Variants in TMEM132B observed in about 807,000 individuals in gnomAD.
TMEM132B encodes the protein transmembrane protein 132B.
TMEM132B carries 18 observed loss-of-function variants against 90.8 expected under a neutral mutation model. The observed-to-expected ratio is 0.20, with a 90% CI of 0.14 to 0.29. TMEM132B has a LOEUF of 0.29. Among genes scored for constraint, TMEM132B ranks in the 10% least tolerant of loss-of-function variants. The pLI, the probability that TMEM132B is intolerant of heterozygous loss-of-function variation, is 1.00. For missense variants in TMEM132B, 1,096 were observed against 1,326.8 expected (o/e 0.83, Z 2.70); for synonymous variants, 504 against 523.3 (o/e 0.96, Z 0.50).
chr12:125,216,360 A>C (rs1342412567), intron 1 of TMEM132B, among the ~76,000 whole-genome samples: 2 of 152,040 alleles, frequency 1.3e-5, no homozygotes, highest in Non-Finnish European at 2.9e-5. Flanking sequence ...TCAGGGTCCC[A>C]CCCTTATGAC....
intron 3 of TMEM132B, among the ~76,000 whole-genome samples, chr12:125,428,148 T>C (rs923171157): frequency 1.3e-5 from 2 of 152,060 alleles, no homozygotes; most frequent in African/African-American, 4.8e-5. Context: ...TGTACCATCA[T>C]ACCTGGCTAA....
intron 3 of TMEM132B, among the ~76,000 whole-genome samples, chr12:125,466,799 G>A (rs990075312): frequency 6.6e-6 from 1 of 152,224 alleles, no homozygotes; most frequent in African/African-American, 2.4e-5. Context: ...AGTTGTTTAT[G>A]CATTTCTGTG....
rs776603562 is a variant in TMEM132B, at chr12:125,653,610, A to G, written c.2152A>G (p.Thr718Ala). ...SWILFSDGSVTPLDIYDPKDY... is the reference protein window; with the variant it reads ...SWILFSDGSVAPLDIYDPKDY... Reference sequence around the variant, plus strand: ...GATTTTGTTCAGTGATGGTTCGGTGACACCTTTAGACATTTACGATCCTAA... The same window carrying G: ...GATTTTGTTCAGTGATGGTTCGGTGGCACCTTTAGACATTTACGATCCTAA... Residue 718 changes from threonine (T) to alanine (A), a missense_variant, in exon 9 of 9, where the codon ACA (threonine) becomes GCA (alanine). Coordinates refer to ENST00000682704, the MANE Select transcript of TMEM132B (RefSeq NM_001366854.1). The G allele has an allele frequency of 6.2e-7, 1 of 1,613,244 alleles. No individual in the cohort carries two copies. Among genetic ancestry groups the G allele is most frequent in the South Asian group, 1.1e-5 (1 of 91,050 alleles).
rs541711860 is a variant in TMEM132B, at chr12:125,492,439, C to T, written c.1107-27000C>T. ...CTGAGGGTAAGGGAAGGGGACTGCA[C>T]GGCTGCTTTGCAGGGGCCCCGACTG... is the stretch of plus-strand genomic sequence containing the variant. On this transcript the variant is annotated intron_variant, in intron 3 of 8. Coordinates refer to ENST00000682704, the MANE Select transcript of TMEM132B (RefSeq NM_001366854.1). The surrounding 1 kb of genome is among the most constrained non-coding windows in gnomAD (Gnocchi z 5.8). 3.3e-5 allele frequency among the ~76,000 whole-genome samples: 5 copies of T among 152,304 alleles called. No homozygotes were observed. Among genetic ancestry groups the T allele is most frequent in the African/African-American group, 9.6e-5 (4 of 41,568 alleles).
At chr12:125,203,395 AT>A (rs1873109779) in intron 1 of TMEM132B, among the ~76,000 whole-genome samples, 1 of 152,244 alleles carries the variant, frequency 6.6e-6, no homozygotes, top group African/African-American at 2.4e-5. Flanking sequence ...GAAAGTGTGA[AT>A]TTCACAGCTT....
At position 125,574,633 on chromosome 12, in the gene TMEM132B, C is replaced by T. The variant is rs115122619; in HGVS notation, c.1294-9218C>T. Among the ~76,000 whole-genome samples the T allele has an allele frequency of 4.6e-3, 700 of 152,178 alleles. 6 individuals carry two copies. The highest frequency in any genetic ancestry group is 0.016 in the African/African-American group (662 of 41,520). Reference sequence around the variant, plus strand: ...CTGTCAATATTTAGGGCTGCTCACTCGCTGATGTAAGAATCCTTCTCATGG... The same window carrying T: ...CTGTCAATATTTAGGGCTGCTCACTTGCTGATGTAAGAATCCTTCTCATGG... On this transcript the variant is annotated intron_variant, in intron 4 of 8. Coordinates refer to ENST00000682704, the MANE Select transcript of TMEM132B (RefSeq NM_001366854.1).
At chr12:125,454,761 T>C (rs190047309) in intron 3 of TMEM132B, among the ~76,000 whole-genome samples, 2 of 152,350 alleles carry the variant, frequency 1.3e-5, no homozygotes, top group East Asian at 3.9e-4. Context: ...CATTGGCTGT[T>C]TTTCTCTTTA....
Position 125,512,535 on chromosome 12 carries a change from GTCCT to G in TMEM132B, c.1107-6903_1107-6900del, listed in dbSNP as rs1883007663. Among the ~76,000 whole-genome samples, 3 of 152,190 alleles carry G rather than the reference GTCCT, an allele frequency of 2.0e-5. No individual in the cohort carries two copies. The South Asian group carries it at 6.2e-4, about 32-fold the overall frequency. On this transcript the variant is annotated intron_variant, in intron 3 of 8. Transcript: ENST00000682704. ...TCTTAGAGTATGCCCAGTTGGCACA[GTCCT>G]AGATTTTTTTTAAAGTTCTGTGTAG... is the stretch of plus-strand genomic sequence containing the variant.
chr12:125,519,644 T>C lies in TMEM132B; in HGVS notation c.1293+19T>C. ...TGCCATGGTGAGGAATCTGGGGGTT[T>C]CAGAGGAAGTGTCACAAAGAAGTTT... On this transcript the variant is annotated intron_variant, in intron 4 of 8. Transcript: ENST00000682704. 1 of 1,612,390 alleles carries C rather than the reference T, an allele frequency of 6.2e-7. No homozygotes were observed.
intron 1 of TMEM132B, among the ~76,000 whole-genome samples, chr12:125,295,556 C>CA (rs1296429151): frequency 7.9e-6 from 1 of 127,052 alleles, no homozygotes; most frequent in Non-Finnish European, 1.7e-5. Flanking sequence ...GAGACAGAGA[C>CA]AGAGACAGAG....
intron 1 of TMEM132B, among the ~76,000 whole-genome samples, chr12:125,218,688 G>A (rs1436408355): frequency 6.6e-6 from 1 of 151,740 alleles, no homozygotes; most frequent in Admixed American, 6.6e-5. Context: ...TGAACTTGAG[G>A]CTGATAAATT....
intron 2 of TMEM132B, among the ~76,000 whole-genome samples, chr12:125,396,008 G>C (rs189530931): frequency 3.3e-5 from 5 of 152,142 alleles, no homozygotes; most frequent in Non-Finnish European, 7.4e-5. Flanking sequence ...GGGTCAAATG[G>C]TTCCTCCTTG....
chr12:125,485,912 C>T (rs1393268507), intron 3 of TMEM132B, among the ~76,000 whole-genome samples: 7 of 152,100 alleles, frequency 4.6e-5, no homozygotes, highest in Non-Finnish European at 1.0e-4. Flanking sequence ...TCTTTTTATT[C>T]CTATTAGCTG....
chr12:125,440,973 T>C (rs979048587), intron 3 of TMEM132B, among the ~76,000 whole-genome samples: 2 of 152,224 alleles, frequency 1.3e-5, no homozygotes, highest in African/African-American at 4.8e-5. Context: ...TGGGTATTAG[T>C]TGGCGTTTAT....
intron 2 of TMEM132B, among the ~76,000 whole-genome samples, chr12:125,387,389 T>A (rs1231582887): frequency 6.6e-6 from 1 of 152,220 alleles, no homozygotes; most frequent in Non-Finnish European, 1.5e-5. Flanking sequence ...GGGTCTCTTA[T>A]CTGTGTGCAG....
At chr12:125,208,530 A>G (rs899003498) in intron 1 of TMEM132B, among the ~76,000 whole-genome samples, 1 of 152,052 alleles carries the variant, frequency 6.6e-6, no homozygotes, top group Non-Finnish European at 1.5e-5. Flanking sequence ...CTTCATATAC[A>G]TGGTATCACA....
intron 2 of TMEM132B, among the ~76,000 whole-genome samples, chr12:125,389,982 T>C (rs1178482147): frequency 6.6e-6 from 1 of 152,220 alleles, no homozygotes; most frequent in Non-Finnish European, 1.5e-5. Context: ...TGTGTAACTG[T>C]CACTCCGTTC....
chr12:125,608,538 T>G (rs1448339784), intron 5 of TMEM132B, among the ~76,000 whole-genome samples: 1 of 152,224 alleles, frequency 6.6e-6, no homozygotes, highest in Non-Finnish European at 1.5e-5. Flanking sequence ...ATTTTTCTGA[T>G]AGTATTCCTT....
chr12:125,236,906 G>A (rs1156887439), intron 1 of TMEM132B, among the ~76,000 whole-genome samples: 1 of 152,244 alleles, frequency 6.6e-6, no homozygotes, highest in Non-Finnish European at 1.5e-5. Flanking sequence ...GTGCATCGGA[G>A]AGGTGCTTGC....
Sources: gnomAD v4.1 joint callset for allele counts (sites outside exome capture counted in the v4.1 genomes callset) on GRCh38, gnomAD v4.1.1 for gene constraint, Gnocchi (gnomAD v3.1) non-coding constraint, MANE v1.5 for transcripts, NCBI Gene and HGNC (gene_info 2026-07-23, HGNC 2026-07-21) for gene names.